The following OR2J3 variants were observed in gnomAD, a reference collection of about 807,000 sequenced individuals.
The protein encoded by OR2J3 is olfactory receptor 2J3.
A neutral mutation model predicts 18.5 loss-of-function variants in OR2J3; 13 were observed. The observed-to-expected ratio is 0.70, with a 90% confidence interval of 0.46 to 1.12. The LOEUF is 1.12. OR2J3 is among the 50% of genes most tolerant of loss of function. OR2J3 has a pLI of 0.00. For synonymous variants in OR2J3, 142 were observed against 140.6 expected (o/e 1.01, Z -0.07); for missense variants, 321 against 371.6 (o/e 0.86, Z 1.12).
At chr6:29,111,714 A>G in intron 3 of OR2J3, 167 bp from the exon 4 acceptor site, 1 of 606,680 alleles carries the variant, frequency 1.6e-6, no homozygotes, top group Non-Finnish European at 2.8e-6. Context: ...TATGAGCTTT[A>G]TAATTCTTCT....
Position 29,112,056 on chromosome 6 carries a change from T to C in OR2J3, c.166T>C (p.Ser56Pro). ...CATCATCATCCTGTCATACCTGGAC[T>C]CCCATCTGCACACACCAATGTACTT... ...LFIIILSYLDSHLHTPMYFFL... is the reference protein window; with the variant it reads ...LFIIILSYLDPHLHTPMYFFL... The change falls in exon 4 of 4, where the codon TCC (serine) becomes CCC (proline). Residue 56 changes from serine to proline, a missense_variant. Physicochemically the swap from Ser to Pro is moderately conservative, Grantham distance 74. Coordinates refer to ENST00000641151, the MANE Select transcript of OR2J3 (RefSeq NM_001005216.4). 6.2e-7 allele frequency: 1 copy of C among 1,614,096 alleles called. No individual in the cohort carries two copies. Among genetic ancestry groups the C allele is most frequent in the Non-Finnish European group, 8.5e-7 (1 of 1,180,012 alleles).
intron 3 of OR2J3, chr6:29,109,653 A>T (rs1762054603): frequency 6.6e-6 from 1 of 152,184 alleles, no homozygotes; most frequent in African/African-American, 2.4e-5. Context: ...TGGGGTATTT[A>T]AATGGTGGGT....
At chr6:29,110,193 A>G (rs1762073140) in intron 3 of OR2J3, among the ~76,000 whole-genome samples, 1 of 152,100 alleles carries the variant, frequency 6.6e-6, no homozygotes. Context: ...GCATTCTATC[A>G]CTGTTCTCCC....
intron 3 of OR2J3, among the ~76,000 whole-genome samples, chr6:29,109,127 A>G (rs1762032433): frequency 6.6e-6 from 1 of 152,168 alleles, no homozygotes; most frequent in South Asian, 2.1e-4. Flanking sequence ...ATTTTTAAAA[A>G]TCTCTTGGAA....
At chr6:29,111,177 C>G (rs1762113637) in intron 3 of OR2J3, among the ~76,000 whole-genome samples, 1 of 152,142 alleles carries the variant, frequency 6.6e-6, no homozygotes. Flanking sequence ...TCACTAGTCT[C>G]TTTTCATCTG....
rs1266690329 is a variant in OR2J3, at chr6:29,114,678, A to G, written c.*1852A>G. 2 of 152,006 alleles carry G rather than the reference A, an allele frequency of 1.3e-5. No homozygotes were observed. The highest frequency in any genetic ancestry group is 4.8e-5 in the African/African-American group (2 of 41,392). The allele number at this position is 152,006 out of a possible 1,614,324, so 9.4% of individuals were successfully genotyped here. On this transcript the variant is annotated 3_prime_UTR_variant, in exon 4 of 4. Coordinates refer to ENST00000641151, the MANE Select transcript of OR2J3 (RefSeq NM_001005216.4). ...CTATAGTCACCATACCGTAGAATAG[A>G]TCTCTTGAATTTGTTCCTTCCATCT...
rs977103298 is a variant in OR2J3, at chr6:29,114,685, G to C, written c.*1859G>C. 3.9e-5 allele frequency: 6 copies of C among 151,982 alleles called. No homozygotes were observed. Among genetic ancestry groups the C allele is most frequent in the Admixed American group, 2.0e-4 (3 of 15,240 alleles). The allele number at this position is 151,982 out of a possible 1,614,324, so 9.4% of individuals were successfully genotyped here. ...CACCATACCGTAGAATAGATCTCTT[G>C]AATTTGTTCCTTCCATCTGAAACTT... On this transcript the variant is annotated 3_prime_UTR_variant, in exon 4 of 4. Coordinates refer to ENST00000641151, the MANE Select transcript of OR2J3 (RefSeq NM_001005216.4).
rs2150953792 is a variant in OR2J3 at position 29,113,228 on chromosome 6, C to A, written c.*402C>A. ...CTACAATATGTCTTTTAATTTCTTG[C>A]TTTTTGGGCAGAATACTTTTGTCTT... On this transcript the variant is annotated 3_prime_UTR_variant, in exon 4 of 4. Transcript: ENST00000641151. The A allele has an allele frequency of 5.8e-6, 1 of 172,784 alleles. No homozygotes were observed. The highest frequency in any genetic ancestry group is 1.8e-4 in the South Asian group (1 of 5,612). 10.7% of individuals were successfully genotyped at this position (172,784 alleles called of 1,614,324 possible).
intron 3 of OR2J3, among the ~76,000 whole-genome samples, chr6:29,110,008 A>G (rs1762066640): frequency 6.6e-6 from 1 of 152,060 alleles, no homozygotes; most frequent in African/African-American, 2.4e-5. Flanking sequence ...AGCTTCTTGA[A>G]CGCTGTGATA....
Position 29,113,429 on chromosome 6 carries a change from A to G in OR2J3, c.*603A>G, listed in dbSNP as rs1294654000. On this transcript the variant is annotated 3_prime_UTR_variant, in exon 4 of 4. Coordinates refer to ENST00000641151, the MANE Select transcript of OR2J3 (RefSeq NM_001005216.4). ...ATTGTAGTAAGAGAGGCTTTGAAAC[A>G]GTATAGCAGAAGTCAGCATCTGAGA... is the stretch of plus-strand genomic sequence containing the variant. The G allele has an allele frequency of 6.6e-6, 1 of 152,216 alleles. No individual in the cohort carries two copies. The highest frequency in any genetic ancestry group is 2.4e-5 in the African/African-American group (1 of 41,422). The allele number at this position is 152,216 out of a possible 1,614,324, so 9.4% of individuals were successfully genotyped here.
chr6:29,111,224 T>C (rs1294478531), intron 3 of OR2J3, among the ~76,000 whole-genome samples: 1 of 152,210 alleles, frequency 6.6e-6, no homozygotes, highest in Non-Finnish European at 1.5e-5. Context: ...TACTTAAACT[T>C]GATACTTTTC....
rs746049567 is a variant in OR2J3 at position 29,112,643 on chromosome 6, A to G, written c.753A>G (p.Val251=). The part of the protein sequence containing the change: ...FGTCGAHLMA[V]SLFFIPAMCM... Reference sequence around the variant, plus strand: ...CATGTGGAGCTCATCTTATGGCTGTATCTCTCTTTTTCATTCCGGCCATGT... The same window carrying G: ...CATGTGGAGCTCATCTTATGGCTGTGTCTCTCTTTTTCATTCCGGCCATGT... Residue 251 remains valine, a synonymous_variant, in exon 4 of 4, where the codon GTA becomes GTG. Coordinates refer to ENST00000641151, the MANE Select transcript of OR2J3 (RefSeq NM_001005216.4). 6.2e-7 allele frequency: 1 copy of G among 1,614,078 alleles called. No individual in the cohort carries two copies. The highest frequency in any genetic ancestry group is 2.2e-5 in the East Asian group (1 of 44,876).
At position 29,112,050 on chromosome 6, in the gene OR2J3, C is replaced by G. The variant is rs755950284; in HGVS notation, c.160C>G (p.Leu54Val). 26 of 1,614,024 alleles carry G rather than the reference C, an allele frequency of 1.6e-5. No homozygotes were observed. The highest frequency in any genetic ancestry group is 4.4e-5 in the South Asian group (4 of 91,074). ...CCTGTTCATCATCATCCTGTCATAC[C>G]TGGACTCCCATCTGCACACACCAAT... The part of the protein sequence containing the change: ...GNLFIIILSY[L>V]DSHLHTPMYF... The change falls in exon 4 of 4, where the codon CTG becomes GTG. Residue 54 changes from leucine (L) to valine (V), a missense_variant. Transcript: ENST00000641151.
Position 29,114,594 on chromosome 6 carries a change from G to A in OR2J3, c.*1768G>A, listed in dbSNP as rs1002773113. On this transcript the variant is annotated 3_prime_UTR_variant, in exon 4 of 4. Transcript: ENST00000641151. ...CTCACATACTTACCTGTTTTGTGGT[G>A]AGAACATTTAGGATCTATTATCTTA... 3 of 152,082 alleles carry A rather than the reference G, an allele frequency of 2.0e-5. No individual in the cohort carries two copies. The highest frequency in any genetic ancestry group is 2.9e-5 in the Non-Finnish European group (2 of 68,010). The allele number at this position is 152,082 out of a possible 1,614,324, so 9.4% of individuals were successfully genotyped here. A position where few individuals can be genotyped will look rare whatever the true frequency, so the allele number is the denominator to read the frequency against.
In OR2J3 at chr6:29,112,128, T is replaced by C. The variant is rs1328055856; in HGVS notation, c.238T>C (p.Ser80Pro). The change falls in exon 4 of 4, where the codon TCT (serine) becomes CCT (proline). Residue 80 changes from serine (S) to proline (P), a missense_variant. By Grantham distance (74) the Ser-to-Pro change is moderately conservative. Coordinates refer to ENST00000641151, the MANE Select transcript of OR2J3 (RefSeq NM_001005216.4). ...TCTGGATCTCTGCTACACCACCAGC[T>C]CTATCCCTCAGTTGCTGGTCAATCT... ...SFLDLCYTTS[S>P]IPQLLVNLWG... 1.2e-6 allele frequency: 2 copies of C among 1,614,100 alleles called. No individual in the cohort carries two copies. The highest frequency in any genetic ancestry group is 1.1e-5 in the South Asian group (1 of 91,068).
rs1388641260 is a variant in OR2J3, at chr6:29,114,648, A to G, written c.*1822A>G. 6.6e-6 allele frequency: 1 copy of G among 152,090 alleles called. No homozygotes were observed. 9.4% of individuals were successfully genotyped at this position (152,090 alleles called of 1,614,324 possible). A position where few individuals can be genotyped will look rare whatever the true frequency, so the allele number is the denominator to read the frequency against. ...GTTTTCAACTATGCAGTACAGTATT[A>G]TTAGCTATAGTCACCATACCGTAGA... On this transcript the variant is annotated 3_prime_UTR_variant, in exon 4 of 4. Transcript: ENST00000641151.
At position 29,114,390 on chromosome 6, in the gene OR2J3, C is replaced by G; in HGVS notation, c.*1564C>G. On this transcript the variant is annotated 3_prime_UTR_variant, in exon 4 of 4. Transcript: ENST00000641151. ...TTGAACTGTTTTCTACTATGGAAAT[C>G]TTACGATTTGGAGCACTTACGGTAG... is the stretch of plus-strand genomic sequence containing the variant. The G allele has an allele frequency of 6.6e-6, 1 of 151,572 alleles. No homozygotes were observed. The highest frequency in any genetic ancestry group is 1.9e-4 in the East Asian group (1 of 5,166). 9.4% of individuals were successfully genotyped at this position (151,572 alleles called of 1,614,324 possible). A position where few individuals can be genotyped will look rare whatever the true frequency, so the allele number is the denominator to read the frequency against.
intron 3 of OR2J3, among the ~76,000 whole-genome samples, chr6:29,110,464 A>C (rs1229695884): frequency 6.6e-6 from 1 of 152,154 alleles, no homozygotes; most frequent in Non-Finnish European, 1.5e-5. Flanking sequence ...TACGTTTTCC[A>C]CAATCACATT....
In OR2J3 at chr6:29,113,620, G is replaced by A. The variant is rs1762232716; in HGVS notation, c.*794G>A. On this transcript the variant is annotated 3_prime_UTR_variant, in exon 4 of 4. Coordinates refer to ENST00000641151, the MANE Select transcript of OR2J3 (RefSeq NM_001005216.4). ...CTAAGGAACTAAGGAAAACATTTGAGGCAAATAGAGAGGCTCTGAAAATGA... is the reference window on the plus strand; with the variant it reads ...CTAAGGAACTAAGGAAAACATTTGAAGCAAATAGAGAGGCTCTGAAAATGA... 2 of 152,124 alleles carry A rather than the reference G, an allele frequency of 1.3e-5. No individual in the cohort carries two copies. The allele number at this position is 152,124 out of a possible 1,614,324, so 9.4% of individuals were successfully genotyped here.
Sources: gnomAD v4.1 joint callset for allele counts (sites outside exome capture counted in the v4.1 genomes callset) on GRCh38, gnomAD v4.1.1 for gene constraint, MANE v1.5 for transcripts, NCBI Gene and HGNC (gene_info 2026-07-23, HGNC 2026-07-21) for gene names.